The following AGBL1 variants were observed in gnomAD, a reference collection of about 807,000 sequenced individuals.
AGBL1 encodes AGBL carboxypeptidase 1, also known as cytosolic carboxypeptidase 4.
In AGBL1, 130 loss-of-function variants were observed where a neutral mutation model predicts 118.9. The ratio of observed to expected loss-of-function variants is 1.09; its 90% CI spans 0.95 to 1.26. The LOEUF (loss-of-function observed/expected upper bound fraction) is 1.26, where lower values mean the gene tolerates loss of function less well. Among genes scored for constraint, AGBL1 ranks in the 50% most tolerant of loss-of-function variants. The probability of loss-of-function intolerance (pLI) is 0.00; values close to 1 mark genes in which losing one functional copy is unlikely to be tolerated. For synonymous variants in AGBL1, 555 were observed against 478.9 expected (o/e 1.16, Z -2.08); for missense variants, 1,584 against 1,298.1 (o/e 1.22, Z -3.38).
intron 18 of AGBL1, among the ~76,000 whole-genome samples, chr15:86,501,298 A>G (rs2082914981): frequency 6.6e-6 from 1 of 151,602 alleles, no homozygotes; most frequent in South Asian, 2.1e-4. Context: ...TGATTTGTAT[A>G]TCCTATCTGG....
intron 23 of AGBL1, among the ~76,000 whole-genome samples, chr15:86,926,619 G>C (rs889854416): frequency 1.1e-4 from 17 of 152,328 alleles, no homozygotes; most frequent in African/African-American, 4.1e-4. Context: ...AGACTGGATG[G>C]AGACTTAACA....
At chr15:86,447,873 A>G (rs912419466) in intron 18 of AGBL1, among the ~76,000 whole-genome samples, 4 of 152,212 alleles carry the variant, frequency 2.6e-5, no homozygotes, top group African/African-American at 7.2e-5. Flanking sequence ...GGCCGGGTGC[A>G]GTGGCTCATG....
chr15:86,981,871 A>G (rs1381496265), intron 23 of AGBL1, among the ~76,000 whole-genome samples: 1 of 152,214 alleles, frequency 6.6e-6, no homozygotes, highest in Admixed American at 6.5e-5. Context: ...AGAGGCACAG[A>G]GAGTAAGTGG....
At chr15:86,308,890 T>G (rs571320302) in intron 17 of AGBL1, among the ~76,000 whole-genome samples, 1 of 152,210 alleles carries the variant, frequency 6.6e-6, no homozygotes, top group Non-Finnish European at 1.5e-5. Context: ...TTTCTCAAGA[T>G]TGCTTTGGCT....
intron 5 of AGBL1, among the ~76,000 whole-genome samples, chr15:86,191,466 G>A (rs1019026032): frequency 2.0e-5 from 3 of 151,724 alleles, no homozygotes; most frequent in Admixed American, 6.6e-5. Flanking sequence ...ATTTGTGACA[G>A]AGAGAGCAAA....
intron 14 of AGBL1, 47 bp downstream of exon 14, chr15:86,270,114 G>A: frequency 1.9e-6 from 3 of 1,563,710 alleles, no homozygotes; most frequent in South Asian, 1.2e-5. Flanking sequence ...TGCCAGGAAT[G>A]ACATTTCTTG....
intron 17 of AGBL1, among the ~76,000 whole-genome samples, chr15:86,302,062 C>T (rs28472813): frequency 0.012 from 1,796 of 152,166 alleles, 43 homozygotes; most frequent in African/African-American, 0.042. Flanking sequence ...AGATACAAAC[C>T]CTCAAGCTGT....
intron 23 of AGBL1, among the ~76,000 whole-genome samples, chr15:86,980,884 C>CTTTTTTTT (rs2081225254): frequency 8.2e-6 from 1 of 121,514 alleles, no homozygotes; most frequent in African/African-American, 3.3e-5. Flanking sequence ...TCAGAAACAT[C>CTTTTTTTT]CTTTTTTTTT....
At chr15:86,233,922 G>A (rs2078496157) in intron 6 of AGBL1, among the ~76,000 whole-genome samples, 1 of 152,108 alleles carries the variant, frequency 6.6e-6, no homozygotes, top group African/African-American at 2.4e-5. Context: ...GGTGGCCAGG[G>A]TGTTCCCAGG....
chr15:86,265,215 T>C (rs1242403097), intron 11 of AGBL1, among the ~76,000 whole-genome samples: 1 of 152,234 alleles, frequency 6.6e-6, no homozygotes, highest in African/African-American at 2.4e-5. Context: ...GGATCTCTTT[T>C]CTTGCTTCCT....
chr15:86,404,315 G>A (rs141250791), intron 18 of AGBL1, among the ~76,000 whole-genome samples: 5 of 152,290 alleles, frequency 3.3e-5, no homozygotes, highest in African/African-American at 1.2e-4. Context: ...AGAGAATGCT[G>A]TGTCCTTCCC....
intron 23 of AGBL1, among the ~76,000 whole-genome samples, chr15:86,962,816 T>C (rs746233033): frequency 1.6e-4 from 24 of 152,080 alleles, no homozygotes; most frequent in East Asian, 7.7e-4. Context: ...CTCAGAGCTA[T>C]TGAATGAGAA....
intron 5 of AGBL1, among the ~76,000 whole-genome samples, chr15:86,203,980 G>T (rs1225697853): frequency 6.6e-6 from 1 of 152,138 alleles, no homozygotes; most frequent in Non-Finnish European, 1.5e-5. Flanking sequence ...TATTTATGTT[G>T]CACTCTTGGC....
At chr15:86,496,111 C>A (rs1231754242) in intron 18 of AGBL1, among the ~76,000 whole-genome samples, 2 of 151,910 alleles carry the variant, frequency 1.3e-5, no homozygotes, top group East Asian at 3.9e-4. Flanking sequence ...AGGGACAGAC[C>A]TGGTGGGAGG....
chr15:86,735,807 G>A (rs2077587355), intron 22 of AGBL1, among the ~76,000 whole-genome samples: 1 of 152,080 alleles, frequency 6.6e-6, no homozygotes, highest in Non-Finnish European at 1.5e-5. Flanking sequence ...CGTGACTCAT[G>A]GCCTGGCATG....
intron 21 of AGBL1, among the ~76,000 whole-genome samples, chr15:86,601,760 C>T (rs913411543): frequency 6.6e-6 from 1 of 152,022 alleles, no homozygotes; most frequent in Admixed American, 6.6e-5. Context: ...TTAATTTCTC[C>T]AATCCCTTCT....
intron 13 of AGBL1, among the ~76,000 whole-genome samples, chr15:86,268,732 G>T (rs939138122): frequency 1.3e-5 from 2 of 152,140 alleles, no homozygotes; most frequent in African/African-American, 4.8e-5. Flanking sequence ...GTGTTGTGTG[G>T]TGAGCCCAGT....
chr15:86,138,062 A>G (rs1225615031), intron 1 of AGBL1, among the ~76,000 whole-genome samples: 1 of 152,148 alleles, frequency 6.6e-6, no homozygotes, highest in East Asian at 1.9e-4. Context: ...AATAAAATAT[A>G]TGGATTATCT....
At chr15:86,240,049 G>A (rs943480559) in intron 6 of AGBL1, among the ~76,000 whole-genome samples, 2 of 152,144 alleles carry the variant, frequency 1.3e-5, no homozygotes. Context: ...ATTAACCTTT[G>A]GAGTCAGATG....
Sources: allele counts gnomAD v4.1 joint callset (sites outside exome capture counted in the v4.1 genomes callset), GRCh38; gene constraint gnomAD v4.1.1; transcripts MANE v1.5; gene names NCBI Gene and HGNC (gene_info 2026-07-23, HGNC 2026-07-21).